The following TMEM178A variants were observed in gnomAD, a reference collection of about 807,000 sequenced individuals.
The protein encoded by TMEM178A is transmembrane protein 178.
A neutral mutation model predicts 29.1 loss-of-function variants in TMEM178A; 12 were observed. The ratio of observed to expected loss-of-function variants is 0.41; its 90% CI spans 0.26 to 0.67. The LOEUF (loss-of-function observed/expected upper bound fraction) is 0.67, where lower values mean the gene tolerates loss of function less well. Ranked by LOEUF, TMEM178A falls within the 30% of genes least tolerant of loss-of-function variation. TMEM178A has a pLI of 0.29. For missense variants in TMEM178A, 366 were observed against 419.1 expected, an observed-to-expected ratio of 0.87 and a Z score of 1.11; for synonymous variants, 210 against 187.2, an observed-to-expected ratio of 1.12 and a Z score of -0.99.
chr2:39,717,272 C>T lies in TMEM178A; in HGVS notation c.*21C>T. 2 of 1,611,218 alleles carry T rather than the reference C, an allele frequency of 1.2e-6. No individual in the cohort carries two copies. The highest frequency in any genetic ancestry group is 1.7e-6 in the Non-Finnish European group (2 of 1,178,612). On this transcript the variant is annotated 3_prime_UTR_variant, in exon 4 of 4. Coordinates refer to ENST00000281961, the MANE Select transcript of TMEM178A (RefSeq NM_152390.3). ...TATGACTGTCCTCACTGGGCCTGTC[C>T]ACAGTGCGAGCGACTCCTGAGGGGA...
chr2:39,718,743 C>T (rs536527536), downstream of TMEM178A, among the ~76,000 whole-genome samples: 6 of 151,996 alleles, frequency 3.9e-5, no homozygotes, highest in East Asian at 9.7e-4. Context: ...AAAATTCTTC[C>T]GTTGTGTTTG....
chr2:39,718,873 G>A (rs951281720), downstream of TMEM178A, among the ~76,000 whole-genome samples: 21 of 152,258 alleles, frequency 1.4e-4, 1 homozygote, highest in South Asian at 3.5e-3. Flanking sequence ...AATAGAAGAC[G>A]CCATTCCAGA....
At chr2:39,704,235 A>G (rs371633582) in intron 2 of TMEM178A, 41 bp downstream of exon 2, 11 of 1,560,498 alleles carry the variant, frequency 7.0e-6, no homozygotes, top group African/African-American at 1.4e-5. Context: ...AAATGGTGTC[A>G]TTCTGAACAA....
In TMEM178A at chr2:39,674,749, A is replaced by G. The variant is rs148658530; in HGVS notation, c.400+8375A>G. Among the ~76,000 whole-genome samples the G allele has an allele frequency of 2.0e-3, 308 of 152,348 alleles. 1 individual carries two copies. The highest frequency in any genetic ancestry group is 7.3e-3 in the African/African-American group (302 of 41,588). On this transcript the variant is annotated intron_variant, in intron 1 of 3. Transcript: ENST00000281961. Reference sequence around the variant, plus strand: ...AAAAGACACAAAGGAACTGTTTACTATACAGCAGTACAAGAAAAAATCCAG... The same window carrying G: ...AAAAGACACAAAGGAACTGTTTACTGTACAGCAGTACAAGAAAAAATCCAG...
Position 39,689,801 on chromosome 2 carries a change from G to C in TMEM178A, c.401-14280G>C, listed in dbSNP as rs568209009. Reference sequence around the variant, plus strand: ...TGATTTTGACAATTATCCATGTTAAGAATACCCCTGTGGTAACTCAGGAGT... The same window carrying C: ...TGATTTTGACAATTATCCATGTTAACAATACCCCTGTGGTAACTCAGGAGT... On this transcript the variant is annotated intron_variant, in intron 1 of 3. Transcript: ENST00000281961. Among the ~76,000 whole-genome samples the C allele has an allele frequency of 5.9e-5, 9 of 152,306 alleles. No individual in the cohort carries two copies. The East Asian group carries it at 1.7e-3, about 29-fold the overall frequency.
At chr2:39,681,252 C>T (rs1046696882) in intron 1 of TMEM178A, among the ~76,000 whole-genome samples, 3 of 152,128 alleles carry the variant, frequency 2.0e-5, no homozygotes, top group African/African-American at 2.4e-5. Flanking sequence ...TAAATCCTTC[C>T]ACACAAAGCA....
At chr2:39,687,631 G>T (rs1482467212) in intron 1 of TMEM178A, among the ~76,000 whole-genome samples, 1 of 152,198 alleles carries the variant, frequency 6.6e-6, no homozygotes, top group Non-Finnish European at 1.5e-5. Context: ...AGGGAAAGGA[G>T]CTTTTCTATG....
At chr2:39,677,460 G>A (rs1417128864) in intron 1 of TMEM178A, among the ~76,000 whole-genome samples, 2 of 152,120 alleles carry the variant, frequency 1.3e-5, no homozygotes, top group Admixed American at 6.5e-5. Context: ...CAGTGTCCTG[G>A]TGTGTTGATA....
chr2:39,708,751 T>C lies in TMEM178A; in HGVS notation c.652+1565T>C, dbSNP rs74259821. On this transcript the variant is annotated intron_variant, in intron 3 of 3. Transcript: ENST00000281961. ...AGAAGGGATTGGAAAGATGGGGGTG[T>C]GGAGACAGGGCTAGGATTTTTTTGA... Among the ~76,000 whole-genome samples, 1,480 of 152,186 alleles carry C rather than the reference T, an allele frequency of 9.7e-3. 21 individuals carry two copies. The highest frequency in any genetic ancestry group is 0.042 in the South Asian group (202 of 4,816).
chr2:39,717,183 A>G lies in TMEM178A; in HGVS notation c.826A>G (p.Ile276Val). The change falls in exon 4 of 4, where the codon ATC (isoleucine) becomes GTC (valine). Residue 276 changes from isoleucine to valine, a missense_variant. Coordinates refer to ENST00000281961, the MANE Select transcript of TMEM178A (RefSeq NM_152390.3). ...TATTGTGGCAGCTGGAGGTCTCTGC[A>G]TCGCTTATCCGTTTATTAGCCGGAC... ...GFIVAAGGLC[I>V]AYPFISRTKI... The G allele has an allele frequency of 6.2e-6, 10 of 1,613,442 alleles. No homozygotes were observed. Among genetic ancestry groups the G allele is most frequent in the Non-Finnish European group, 8.5e-6 (10 of 1,179,944 alleles).
At chr2:39,665,556 G>C (rs1670104891), upstream of TMEM178A, 1 of 174,824 alleles carries the variant, frequency 5.7e-6, no homozygotes, top group South Asian at 1.9e-4. Flanking sequence ...ACAGGGTTAA[G>C]GGGAGAGAGG....
chr2:39,718,111 TA>T (rs767159091), downstream of TMEM178A: 2 of 152,574 alleles, frequency 1.3e-5, no homozygotes, highest in East Asian at 1.9e-4. Context: ...TTATCTTTTG[TA>T]GCAACCACAC....
intron 1 of TMEM178A, among the ~76,000 whole-genome samples, chr2:39,688,952 C>T (rs956933259): frequency 3.3e-5 from 5 of 152,078 alleles, no homozygotes; most frequent in African/African-American, 1.2e-4. Flanking sequence ...ACATTGTTCA[C>T]GGTATCAAAT....
chr2:39,707,070 G>T lies in TMEM178A; in HGVS notation c.536G>T (p.Gly179Val). 6.2e-7 allele frequency: 1 copy of T among 1,611,546 alleles called. No homozygotes were observed. The highest frequency in any genetic ancestry group is 8.5e-7 in the Non-Finnish European group (1 of 1,179,272). Reference sequence around the variant, plus strand: ...TTAGATTTAAGAAGAATCACTGCTGGCTTCCTCGGCATGGCCGTAGCCGTC... The same window carrying T: ...TTAGATTTAAGAAGAATCACTGCTGTCTTCCTCGGCATGGCCGTAGCCGTC... ...HLLHLRRITA[G>V]FLGMAVAVLL... Residue 179 changes from glycine to valine, a missense_variant, in exon 3 of 4, where the codon GGC (glycine) becomes GTC (valine). Around this residue, in one of 2 missense-constraint regions of TMEM178A, gnomAD observed 119 missense variants for 172.2 expected, o/e 0.69. Transcript: ENST00000281961.
chr2:39,686,029 G>A (rs1013611371), intron 1 of TMEM178A, among the ~76,000 whole-genome samples: 3 of 152,348 alleles, frequency 2.0e-5, no homozygotes, highest in Middle Eastern at 3.4e-3. Flanking sequence ...CTGCACATTC[G>A]TGCCTTGGTG....
chr2:39,666,668 C>A (rs1382133138), intron 1 of TMEM178A, among the ~76,000 whole-genome samples: 1 of 152,190 alleles, frequency 6.6e-6, no homozygotes. Flanking sequence ...CTCCCATTCC[C>A]CGGTTCTCTC....
chr2:39,677,274 T>A (rs1485259000), intron 1 of TMEM178A, among the ~76,000 whole-genome samples: 1 of 152,160 alleles, frequency 6.6e-6, no homozygotes, highest in Admixed American at 6.5e-5. Flanking sequence ...TAGAATCTGT[T>A]CAAGCCAGGC....
At chr2:39,724,663 C>G in the TMEM178A span, among the ~76,000 whole-genome samples, 1 of 152,104 alleles carries the variant, frequency 6.6e-6, no homozygotes, top group Non-Finnish European at 1.5e-5. Context: ...AGAAAACACC[C>G]CATAACCAAA....
At chr2:39,720,549 T>C (rs1309778143), downstream of TMEM178A, among the ~76,000 whole-genome samples, 1 of 152,212 alleles carries the variant, frequency 6.6e-6, no homozygotes, top group Non-Finnish European at 1.5e-5. Context: ...TCAAACATGC[T>C]GCATTGCTTC....
Sources: gnomAD v4.1 joint callset for allele counts (sites outside exome capture counted in the v4.1 genomes callset) on GRCh38, gnomAD v4.1.1 for gene constraint, gnomAD v4.1.1 regional missense constraint, MANE v1.5 for transcripts, NCBI Gene and HGNC (gene_info 2026-07-23, HGNC 2026-07-21) for gene names.